ATP13A5: variants seen among roughly 807,000 people sequenced by gnomAD.
The protein encoded by ATP13A5 is probable cation-transporting ATPase 13A5.
Under a neutral mutation model 150.2 loss-of-function variants are expected in ATP13A5, and 149 were observed. The observed-to-expected ratio is 0.99, with a 90% CI of 0.87 to 1.14. The LOEUF (loss-of-function observed/expected upper bound fraction) is 1.14, where lower values mean the gene tolerates loss of function less well. Among genes scored for constraint, ATP13A5 ranks in the 50% most tolerant of loss-of-function variants. The pLI is 0.00. For synonymous variants in ATP13A5, 497 were observed against 522.2 expected, an observed-to-expected ratio of 0.95 and a Z score of 0.66; for missense variants, 1,383 against 1,449.3, an observed-to-expected ratio of 0.95 and a Z score of 0.74.
In ATP13A5 at chr3:193,364,161, G is replaced by A; in HGVS notation, c.183C>T (p.Ala61=). 2 of 1,614,000 alleles carry A rather than the reference G, an allele frequency of 1.2e-6. No individual in the cohort carries two copies. Among genetic ancestry groups the A allele is most frequent in the Non-Finnish European group, 1.7e-6 (2 of 1,179,966 alleles). The change falls in exon 2 of 30, where the codon GCC becomes GCT. Residue 61 remains alanine, a synonymous_variant. Coordinates refer to ENST00000342358, the MANE Select transcript of ATP13A5 (RefSeq NM_198505.4). The part of the protein sequence containing the change: ...FYWRPQWRVW[A]NCIPCPLQEA... ...CTTGCAAGGGGCATGGGATGCAGTT[G>A]GCCCACACTCTCCACTGGGGTCTCC...
intron 9 of ATP13A5, among the ~76,000 whole-genome samples, chr3:193,336,883 T>A (rs1296689406): frequency 4.6e-5 from 7 of 152,178 alleles, no homozygotes; most frequent in African/African-American, 7.2e-5. Flanking sequence ...TTTCTCCACA[T>A]CCTCTCCAGC....
intron 1 of ATP13A5, among the ~76,000 whole-genome samples, chr3:193,369,567 C>T (rs1328514449): frequency 6.6e-6 from 1 of 152,038 alleles, no homozygotes; most frequent in Non-Finnish European, 1.5e-5. Flanking sequence ...AATATTTACA[C>T]GCCCCCAGTA....
At chr3:193,330,531 G>T (rs752373155) in intron 12 of ATP13A5, among the ~76,000 whole-genome samples, 1 of 152,248 alleles carries the variant, frequency 6.6e-6, no homozygotes, top group Non-Finnish European at 1.5e-5. Context: ...AAGTCCTCCA[G>T]GTTCCCCATA....
Position 193,343,929 on chromosome 3 carries a change from G to A in ATP13A5, c.941C>T (p.Thr314Ile), listed in dbSNP as rs1712222104. Residue 314 changes from threonine to isoleucine, a missense_variant and splice_region_variant, in exon 9 of 30, where the codon ACA (threonine) becomes ATA (isoleucine). Thr to Ile is a moderately conservative substitution (Grantham distance 89, BLOSUM62 -1). Coordinates refer to ENST00000342358, the MANE Select transcript of ATP13A5 (RefSeq NM_198505.4). The stretch of plus-strand genomic sequence containing the variant: ...GAAGCTCCATGACAACTGCCTACCT[G>A]TAAGCATGCCTTCATTCACCACGCA... ...GSCVVNEGML[T>I]GESIPVTKTP... 1 of 1,612,344 alleles carries A rather than the reference G, an allele frequency of 6.2e-7. No homozygotes were observed. The highest frequency in any genetic ancestry group is 8.5e-7 in the Non-Finnish European group (1 of 1,179,000).
chr3:193,332,707 C>T (rs1239218379), intron 11 of ATP13A5, among the ~76,000 whole-genome samples: 1 of 152,126 alleles, frequency 6.6e-6, no homozygotes, highest in Non-Finnish European at 1.5e-5. Flanking sequence ...AGGACTCAGC[C>T]TTGTCTAGCG....
intron 7 of ATP13A5, among the ~76,000 whole-genome samples, chr3:193,349,976 G>A (rs1712502310): frequency 6.6e-6 from 1 of 151,914 alleles, no homozygotes; most frequent in Admixed American, 6.6e-5. Context: ...CATTATTTGT[G>A]GTGGCAAAAG....
chr3:193,276,172 A>C (rs2108810753), intron 29 of ATP13A5, among the ~76,000 whole-genome samples: 1 of 152,348 alleles, frequency 6.6e-6, no homozygotes, highest in South Asian at 2.1e-4. Context: ...TTTTCCAAAA[A>C]GTCTTAAAGC....
chr3:193,275,955 G>T (rs1305697413), intron 29 of ATP13A5, among the ~76,000 whole-genome samples: 1 of 151,978 alleles, frequency 6.6e-6, no homozygotes, highest in African/African-American at 2.4e-5. Context: ...TCCTCAAATC[G>T]CTGTATAGCT....
intron 9 of ATP13A5, among the ~76,000 whole-genome samples, chr3:193,339,831 T>C (rs1485440806): frequency 1.3e-5 from 2 of 152,100 alleles, no homozygotes; most frequent in East Asian, 1.9e-4. Context: ...TAATCCACAA[T>C]ATATACTTAG....
chr3:193,307,429 A>G, intron 21 of ATP13A5, 60 bp from the exon 22 acceptor site: 2 of 1,585,348 alleles, frequency 1.3e-6, no homozygotes, highest in Non-Finnish European at 8.6e-7. Flanking sequence ...TCACTTGAAT[A>G]TTTTCCATCA....
In ATP13A5 at chr3:193,332,520, T is replaced by A. The variant is rs375666174; in HGVS notation, c.1273-1209A>T. Among the ~76,000 whole-genome samples, 47 of 152,362 alleles carry A rather than the reference T, an allele frequency of 3.1e-4. 1 individual carries two copies. The East Asian group carries it at 3.3e-3, about 11-fold the overall frequency. On this transcript the variant is annotated intron_variant, in intron 11 of 29. Coordinates refer to ENST00000342358, the MANE Select transcript of ATP13A5 (RefSeq NM_198505.4). ...ATTCTACCCTCTAGAACCTCACCTA[T>A]GTTTTTGTTAAATTAACCATCATTT...
chr3:193,346,508 G>A (rs1415583629), intron 7 of ATP13A5, among the ~76,000 whole-genome samples: 1 of 152,106 alleles, frequency 6.6e-6, no homozygotes, highest in African/African-American at 2.4e-5. Context: ...TTTGGATGTC[G>A]GTGACTTGGA....
intron 1 of ATP13A5, among the ~76,000 whole-genome samples, chr3:193,365,895 T>C (rs376205041): frequency 6.6e-6 from 1 of 152,128 alleles, no homozygotes; most frequent in East Asian, 1.9e-4. Context: ...ATAGTGCTAA[T>C]AGCCTTGTGA....
intron 7 of ATP13A5, among the ~76,000 whole-genome samples, chr3:193,348,720 GA>G (rs1402686441): frequency 1.3e-5 from 2 of 152,150 alleles, no homozygotes; most frequent in African/African-American, 2.4e-5. Context: ...TTAATTCAGT[GA>G]AATAATGAAC....
intron 1 of ATP13A5, among the ~76,000 whole-genome samples, chr3:193,374,073 C>T (rs1280981556): frequency 6.6e-5 from 10 of 152,158 alleles, no homozygotes; most frequent in Admixed American, 5.9e-4. Context: ...AAAGCAAATG[C>T]AGCCTGTGGT....
chr3:193,298,395 T>C (rs1402834475), intron 25 of ATP13A5, among the ~76,000 whole-genome samples: 1 of 152,134 alleles, frequency 6.6e-6, no homozygotes, highest in African/African-American at 2.4e-5. Context: ...TACTGATAAA[T>C]TCAGTCATTG....
chr3:193,362,262 T>C (rs1479297048), intron 5 of ATP13A5, 119 bp downstream of exon 5: 3 of 891,324 alleles, frequency 3.4e-6, no homozygotes, highest in South Asian at 1.5e-5. Context: ...TGCCAGTAAA[T>C]GAACTTGGAC....
rs1466218412 is a variant in ATP13A5, at chr3:193,311,958, A to G, written c.2320-17T>C. ...GTAGATTTCCTAAAATCAAAAGGGC[A>G]TCATTTCTACATTGACTCCTAAGGA... On this transcript the variant is annotated splice_polypyrimidine_tract_variant and intron_variant, in intron 19 of 29. Transcript: ENST00000342358. 1.2e-6 allele frequency: 2 copies of G among 1,613,166 alleles called. No individual in the cohort carries two copies. Among genetic ancestry groups the G allele is most frequent in the African/African-American group, 1.3e-5 (1 of 75,034 alleles).
intron 23 of ATP13A5, 100 bp downstream of exon 23, chr3:193,305,459 G>A (rs1718574369): frequency 2.1e-6 from 2 of 959,126 alleles, no homozygotes; most frequent in Non-Finnish European, 1.7e-6. Context: ...CCATTCCTCT[G>A]TTGCAGCATT....
Sources: allele counts gnomAD v4.1 joint callset (sites outside exome capture counted in the v4.1 genomes callset), GRCh38; gene constraint gnomAD v4.1.1; transcripts MANE v1.5; gene names NCBI Gene and HGNC (gene_info 2026-07-23, HGNC 2026-07-21).